DTNBP1: variants seen among roughly 807,000 people sequenced by gnomAD.
DTNBP1 encodes dysbindin.
DTNBP1 carries 35 observed loss-of-function variants against 42.8 expected under a neutral mutation model. The ratio of observed to expected loss-of-function variants is 0.82; its 90% CI spans 0.63 to 1.09. DTNBP1 has a LOEUF of 1.09. DTNBP1 is among the 50% of genes least tolerant of loss of function. DTNBP1 has a pLI of 0.00. For synonymous variants in DTNBP1, 171 were observed against 162.2 expected, an observed-to-expected ratio of 1.05 and a Z score of -0.41; for missense variants, 457 against 424.2, an observed-to-expected ratio of 1.08 and a Z score of -0.68.
At chr6:15,631,223 C>G (rs1338375830) in intron 4 of DTNBP1, among the ~76,000 whole-genome samples, 1 of 152,116 alleles carries the variant, frequency 6.6e-6, no homozygotes, top group African/African-American at 2.4e-5. Context: ...CAATAATACA[C>G]CACAGAAGGC....
chr6:15,633,401 G>C (rs1299002044), intron 4 of DTNBP1, among the ~76,000 whole-genome samples: 2 of 152,198 alleles, frequency 1.3e-5, no homozygotes, highest in Non-Finnish European at 2.9e-5. Flanking sequence ...CTCATGGGAG[G>C]AAATCAAAAT....
intron 1 of DTNBP1, chr6:15,660,516 A>G (rs1420896107): frequency 7.8e-7 from 1 of 1,289,782 alleles, no homozygotes; most frequent in East Asian, 5.5e-5. Flanking sequence ...GTCAGCTGAA[A>G]GTGACCTGTA....
intron 6 of DTNBP1, among the ~76,000 whole-genome samples, chr6:15,613,357 A>C (rs1207163779): frequency 8.2e-5 from 2 of 24,306 alleles, no homozygotes; most frequent in African/African-American, 1.3e-4. Context: ...CACGGACCCC[A>C]TTTTTTTTTT....
intron 7 of DTNBP1, among the ~76,000 whole-genome samples, chr6:15,566,314 C>CAAA (rs34136394): frequency 1.2e-4 from 11 of 90,412 alleles, no homozygotes; most frequent in Non-Finnish European, 1.4e-4. Flanking sequence ...GACTCCGTCT[C>CAAA]AAAAAAAAAA....
At chr6:15,534,080 G>A (rs1201517348) in intron 7 of DTNBP1, among the ~76,000 whole-genome samples, 1 of 152,152 alleles carries the variant, frequency 6.6e-6, no homozygotes, top group Non-Finnish European at 1.5e-5. Context: ...CCAGCCAGTC[G>A]CGAAAAGGCA....
At chr6:15,543,985 T>C (rs1305078096) in intron 7 of DTNBP1, among the ~76,000 whole-genome samples, 4 of 152,200 alleles carry the variant, frequency 2.6e-5, no homozygotes, top group Non-Finnish European at 5.9e-5. Context: ...ATCCACAAGA[T>C]ACACCCTTCT....
intron 1 of DTNBP1, among the ~76,000 whole-genome samples, chr6:15,660,721 G>A (rs961925753): frequency 4.6e-5 from 7 of 152,130 alleles, no homozygotes; most frequent in African/African-American, 2.4e-5. Flanking sequence ...TTGTGCCCCA[G>A]CAGTCCAGAG....
chr6:15,651,142 A>G (rs1403229842), intron 3 of DTNBP1, among the ~76,000 whole-genome samples, 171 bp downstream of exon 3: 1 of 152,228 alleles, frequency 6.6e-6, no homozygotes, highest in African/African-American at 2.4e-5. Flanking sequence ...ACTTTGTACT[A>G]ATGAGTGAAA....
At chr6:15,589,640 G>T (rs1281791777) in intron 7 of DTNBP1, among the ~76,000 whole-genome samples, 1 of 152,066 alleles carries the variant, frequency 6.6e-6, no homozygotes, top group Admixed American at 6.5e-5. Flanking sequence ...TTCCTTACGT[G>T]AATTCTCAAA....
chr6:15,662,431 G>A (rs1056514605), intron 1 of DTNBP1, among the ~76,000 whole-genome samples: 4 of 152,222 alleles, frequency 2.6e-5, no homozygotes, highest in Non-Finnish European at 4.4e-5. Context: ...CTGCTGGGCC[G>A]AGGGGCGCAG....
chr6:15,598,212 T>A (rs1257826289), intron 6 of DTNBP1, among the ~76,000 whole-genome samples: 2 of 152,170 alleles, frequency 1.3e-5, no homozygotes, highest in African/African-American at 4.8e-5. Context: ...TATGGAATGT[T>A]ACAAGAAGTA....
intron 6 of DTNBP1, among the ~76,000 whole-genome samples, chr6:15,603,770 G>C (rs912098035): frequency 6.6e-6 from 1 of 152,140 alleles, no homozygotes; most frequent in African/African-American, 2.4e-5. Flanking sequence ...AGAATTCACC[G>C]AGTCCACTTC....
chr6:15,630,680 G>A (rs549681438), intron 4 of DTNBP1, among the ~76,000 whole-genome samples: 4 of 152,338 alleles, frequency 2.6e-5, no homozygotes, highest in Admixed American at 2.6e-4. Context: ...CACTTTGGGA[G>A]GCTGAGGCTG....
At chr6:15,620,070 C>T (rs1758954536) in intron 5 of DTNBP1, among the ~76,000 whole-genome samples, 1 of 152,200 alleles carries the variant, frequency 6.6e-6, no homozygotes, top group South Asian at 2.1e-4. Flanking sequence ...TGATGACAAG[C>T]AGTTTAGCAG....
intron 7 of DTNBP1, chr6:15,585,813 C>A: frequency 2.0e-6 from 3 of 1,508,274 alleles, no homozygotes; most frequent in Middle Eastern, 1.7e-4. Flanking sequence ...TCAAGTGAAG[C>A]CTCCAGTTAC....
Position 15,530,440 on chromosome 6 carries a change from T to G in DTNBP1, c.667+2800A>C, listed in dbSNP as rs79434433. 8.9e-3 allele frequency among the ~76,000 whole-genome samples: 1,352 copies of G among 152,370 alleles called. 25 individuals carry two copies. Among genetic ancestry groups the G allele is most frequent in the African/African-American group, 0.031 (1,279 of 41,582 alleles). On this transcript the variant is annotated intron_variant, in intron 8 of 9. Coordinates refer to ENST00000344537, the MANE Select transcript of DTNBP1 (RefSeq NM_032122.5). ...TTAAAAAAATGAGCCCAGCATTTTC[T>G]TGAAACTTAATCTTTGAGATACTCA...
chr6:15,640,046 CCTA>C (rs1438876017), intron 3 of DTNBP1, among the ~76,000 whole-genome samples: 1 of 152,170 alleles, frequency 6.6e-6, no homozygotes, highest in Non-Finnish European at 1.5e-5. Context: ...TCATGATTTT[CCTA>C]CTGTTTTCAG....
chr6:15,641,027 T>G (rs182825864), intron 3 of DTNBP1, among the ~76,000 whole-genome samples: 96 of 152,318 alleles, frequency 6.3e-4, no homozygotes, highest in Middle Eastern at 3.4e-3. Flanking sequence ...ATCAGGGAGA[T>G]GCAGACACAG....
rs1012886198 is a variant in DTNBP1, at chr6:15,577,288, C to A, written c.511+15771G>T. 3.3e-5 allele frequency among the ~76,000 whole-genome samples: 5 copies of A among 152,204 alleles called. 1 individual carries two copies. The highest frequency in any genetic ancestry group is 4.1e-4 in the South Asian group (2 of 4,830). ...AAGCCAGGACTCGGGAGGTATTCCA[C>A]ATGTGATGGGAGGCCACAGAGAGTT... On this transcript the variant is annotated intron_variant, in intron 7 of 9. Coordinates refer to ENST00000344537, the MANE Select transcript of DTNBP1 (RefSeq NM_032122.5).
Sources: gnomAD v4.1 joint callset for allele counts (sites outside exome capture counted in the v4.1 genomes callset) on GRCh38, gnomAD v4.1.1 for gene constraint, MANE v1.5 for transcripts, NCBI Gene and HGNC (gene_info 2026-07-23, HGNC 2026-07-21) for gene names.